ACBD6: variants seen among roughly 807,000 people sequenced by gnomAD.
ACBD6 encodes the protein acyl-CoA binding domain containing 6.
In ACBD6, 28 loss-of-function variants were observed where a neutral mutation model predicts 37.2. That is an observed-to-expected ratio of 0.75 (90% CI 0.56 to 1.03). The LOEUF (loss-of-function observed/expected upper bound fraction) is 1.03. Ranked by LOEUF, ACBD6 falls within the 50% of genes least tolerant of loss-of-function variation. The pLI is 0.00. For synonymous variants in ACBD6, 113 were observed against 126.8 expected (o/e 0.89, Z 0.73); for missense variants, 340 against 337.4 (o/e 1.01, Z -0.06).
At chr1:180,303,731 A>G (rs1650234194) in intron 7 of ACBD6, among the ~76,000 whole-genome samples, 1 of 150,958 alleles carries the variant, frequency 6.6e-6, no homozygotes, top group African/African-American at 2.4e-5. Context: ...ATAGAAAAAG[A>G]TGGAATCCTC....
chr1:180,375,995 C>T (rs1571425279), intron 6 of ACBD6, among the ~76,000 whole-genome samples: 1 of 152,070 alleles, frequency 6.6e-6, no homozygotes, highest in South Asian at 2.1e-4. Flanking sequence ...TCACAAAAGG[C>T]CAAAAACCTG....
intron 6 of ACBD6, among the ~76,000 whole-genome samples, chr1:180,367,521 C>T (rs182127241): frequency 3.0e-4 from 45 of 152,078 alleles, no homozygotes; most frequent in African/African-American, 1.1e-3. Flanking sequence ...TTTTCTTCTC[C>T]TCTCCCTCCT....
intron 6 of ACBD6, among the ~76,000 whole-genome samples, chr1:180,377,414 C>T (rs1189230706): frequency 2.6e-5 from 4 of 152,138 alleles, no homozygotes; most frequent in Non-Finnish European, 5.9e-5. Flanking sequence ...GTGTCCAGCT[C>T]TTAGTTTTTA....
At chr1:180,306,281 C>CAA (rs201917521) in intron 7 of ACBD6, among the ~76,000 whole-genome samples, 2,964 of 151,506 alleles carry the variant, frequency 0.02, 98 homozygotes, top group African/African-American at 0.067. Context: ...CCAACCAAAC[C>CAA]AAACAAAACA....
At chr1:180,486,990 T>G (rs1285633657) in intron 3 of ACBD6, among the ~76,000 whole-genome samples, 2 of 151,874 alleles carry the variant, frequency 1.3e-5, no homozygotes, top group Non-Finnish European at 2.9e-5. Context: ...AACTGGTCTG[T>G]AATCTGCAAA....
chr1:180,434,057 T>A (rs933585234), intron 3 of ACBD6, among the ~76,000 whole-genome samples: 3 of 152,076 alleles, frequency 2.0e-5, no homozygotes, highest in African/African-American at 7.2e-5. Flanking sequence ...CCTACAACCA[T>A]CTGGATGAAC....
At position 180,502,340 on chromosome 1, in the gene ACBD6, C is replaced by G. The variant is rs1652020130; in HGVS notation, c.-74G>C. On this transcript the variant is annotated 5_prime_UTR_variant, in exon 1 of 8. Transcript: ENST00000367595. Reference sequence around the variant, plus strand: ...TTGGGTGTAAGGCCGGCTTGGAGGCCTGGCCCACCAGTCTGGGTCGCGAGC... The same window carrying G: ...TTGGGTGTAAGGCCGGCTTGGAGGCGTGGCCCACCAGTCTGGGTCGCGAGC... The G allele has an allele frequency of 6.5e-7, 1 of 1,530,872 alleles. No individual in the cohort carries two copies. 94.8% of individuals were successfully genotyped at this position (1,530,872 alleles called of 1,614,324 possible). A position where few individuals can be genotyped will look rare whatever the true frequency, so the allele number is the denominator to read the frequency against.
At chr1:180,288,773 G>C (rs1372112222) in intron 7 of ACBD6, among the ~76,000 whole-genome samples, 1 of 152,094 alleles carries the variant, frequency 6.6e-6, no homozygotes, top group Non-Finnish European at 1.5e-5. Flanking sequence ...TAAATTGTGA[G>C]GCTTTTGGGC....
intron 10 of ACBD6, chr1:180,274,304 C>T: frequency 3.7e-6 from 6 of 1,614,182 alleles, no homozygotes; most frequent in Non-Finnish European, 4.2e-6. Flanking sequence ...ACAATCCTAT[C>T]AGGACTTGAG....
intron 3 of ACBD6, among the ~76,000 whole-genome samples, chr1:180,462,754 C>G (rs989202005): frequency 1.3e-5 from 2 of 152,160 alleles, no homozygotes; most frequent in Non-Finnish European, 2.9e-5. Context: ...ACAGAACTCT[C>G]CATCCCAAAA....
At chr1:180,350,213 T>C (rs1276498391) in intron 6 of ACBD6, among the ~76,000 whole-genome samples, 1 of 152,032 alleles carries the variant, frequency 6.6e-6, no homozygotes, top group African/African-American at 2.4e-5. Flanking sequence ...CTTGTATTAA[T>C]AGAAAAGATA....
At chr1:180,294,804 C>T (rs1448999775) in intron 7 of ACBD6, among the ~76,000 whole-genome samples, 1 of 151,974 alleles carries the variant, frequency 6.6e-6, no homozygotes, top group South Asian at 2.1e-4. Flanking sequence ...GAGTGATCCT[C>T]CTGCCTCAGC....
chr1:180,312,660 A>C (rs562816890), intron 7 of ACBD6, among the ~76,000 whole-genome samples: 7 of 152,334 alleles, frequency 4.6e-5, no homozygotes, highest in African/African-American at 1.7e-4. Flanking sequence ...CATCTTTAAT[A>C]ATAATGTTTG....
At chr1:180,413,087 CTTA>C (rs1647926244) in intron 5 of ACBD6, among the ~76,000 whole-genome samples, 1 of 152,146 alleles carries the variant, frequency 6.6e-6, no homozygotes, top group Non-Finnish European at 1.5e-5. Context: ...GTAGATTTCA[CTTA>C]TTATGCGAAT....
At chr1:180,454,953 T>A (rs1377854593) in intron 3 of ACBD6, among the ~76,000 whole-genome samples, 1 of 152,166 alleles carries the variant, frequency 6.6e-6, no homozygotes, top group African/African-American at 2.4e-5. Context: ...ATTGTGGAAG[T>A]CAGTGTGGCG....
At chr1:180,424,142 T>C (rs895999354) in intron 4 of ACBD6, among the ~76,000 whole-genome samples, 6 of 152,166 alleles carry the variant, frequency 3.9e-5, no homozygotes, top group South Asian at 2.1e-4. Context: ...AGAGCCAGCA[T>C]AGCACAGTAA....
intron 6 of ACBD6, among the ~76,000 whole-genome samples, chr1:180,359,254 T>C (rs180789187): frequency 3.0e-3 from 463 of 152,306 alleles, no homozygotes; most frequent in African/African-American, 0.01. Flanking sequence ...TAACATTTAT[T>C]TTACTTGAAA....
At chr1:180,326,049 C>T (rs548189799) in intron 6 of ACBD6, among the ~76,000 whole-genome samples, 6 of 152,190 alleles carry the variant, frequency 3.9e-5, no homozygotes, top group South Asian at 2.1e-4. Context: ...TTACTCAAGG[C>T]CCTAGGGCTC....
At chr1:180,448,871 C>T (rs1649584278) in intron 3 of ACBD6, among the ~76,000 whole-genome samples, 1 of 151,930 alleles carries the variant, frequency 6.6e-6, no homozygotes, top group Non-Finnish European at 1.5e-5. Context: ...GGTGGTTTGT[C>T]CCTATTTTCT....
Sources: allele counts gnomAD v4.1 joint callset (sites outside exome capture counted in the v4.1 genomes callset), GRCh38; gene constraint gnomAD v4.1.1; transcripts MANE v1.5; gene names NCBI Gene and HGNC (gene_info 2026-07-23, HGNC 2026-07-21).